Variants in DCBLD2 observed in about 807,000 individuals in gnomAD.
DCBLD2 encodes the protein discoidin, CUB and LCCL domain containing 2.
A neutral mutation model predicts 86.8 loss-of-function variants in DCBLD2; 54 were observed. The observed-to-expected ratio is 0.62, with a 90% CI of 0.50 to 0.78. DCBLD2 has a LOEUF of 0.78. Among genes scored for constraint, DCBLD2 ranks in the 30% least tolerant of loss-of-function variants. DCBLD2 has a pLI of 0.00. For missense variants in DCBLD2, 908 were observed against 954.2 expected (o/e 0.95, Z 0.64); for synonymous variants, 354 against 341.3 (o/e 1.04, Z -0.41).
intron 2 of DCBLD2, among the ~76,000 whole-genome samples, chr3:98,855,049 G>A (rs150849756): frequency 3.2e-4 from 48 of 152,226 alleles, no homozygotes; most frequent in African/African-American, 1.1e-3. Flanking sequence ...CAGTAAGGGA[G>A]TAAAATGGCA....
intron 2 of DCBLD2, among the ~76,000 whole-genome samples, chr3:98,851,040 C>G (rs888440313): frequency 4.6e-5 from 7 of 152,168 alleles, no homozygotes; most frequent in African/African-American, 1.4e-4. Flanking sequence ...CTGCACAAGA[C>G]AAGGATGCCC....
chr3:98,882,312 G>A (rs752804394), intron 1 of DCBLD2, among the ~76,000 whole-genome samples: 2 of 152,074 alleles, frequency 1.3e-5, no homozygotes, highest in Non-Finnish European at 2.9e-5. Flanking sequence ...TTCAAAAGAA[G>A]AGCAACTTAA....
At position 98,901,371 on chromosome 3, in the gene DCBLD2, GC is replaced by G; in HGVS notation, c.-46del. ...CCTGCATAGTGCGGGTGCCTCGGCA[GC>G]CCCGCGCGCCTCTGGCCGCGGCACC... On this transcript the variant is annotated 5_prime_UTR_variant, in exon 1 of 16. Coordinates refer to ENST00000326840, the MANE Select transcript of DCBLD2 (RefSeq NM_080927.4). The G allele has an allele frequency of 3.9e-6, 5 of 1,276,042 alleles. No homozygotes were observed. Among genetic ancestry groups the G allele is most frequent in the Non-Finnish European group, 4.9e-6 (5 of 1,017,786 alleles). The allele number at this position is 1,276,042 out of a possible 1,614,324, so 79.0% of individuals were successfully genotyped here.
intron 1 of DCBLD2, among the ~76,000 whole-genome samples, chr3:98,898,302 T>C (rs2107536078): frequency 6.6e-6 from 1 of 151,702 alleles, no homozygotes; most frequent in East Asian, 1.9e-4. Flanking sequence ...TAGCTATGTA[T>C]GACATTAATT....
chr3:98,869,320 A>C (rs1218222734), intron 2 of DCBLD2, among the ~76,000 whole-genome samples: 1 of 152,122 alleles, frequency 6.6e-6, no homozygotes, highest in African/African-American at 2.4e-5. Flanking sequence ...TGCTAATTTC[A>C]GTTCCTTGTA....
intron 12 of DCBLD2, among the ~76,000 whole-genome samples, chr3:98,808,963 T>C (rs2107431582): frequency 6.6e-6 from 1 of 152,274 alleles, no homozygotes; most frequent in Non-Finnish European, 1.5e-5. Context: ...GTATCCTCCT[T>C]ACAAGAGAAA....
In DCBLD2 at chr3:98,825,478, A is replaced by G. The variant is rs185590344; in HGVS notation, c.572-112T>C. On this transcript the variant is annotated intron_variant, in intron 3 of 15. Transcript: ENST00000326840. The stretch of plus-strand genomic sequence containing the variant: ...ACTACTCTAATTTTCAAAAATCTCA[A>G]TGGCACTGTCAAAGTGGTACTAAAA... 1.1e-3 allele frequency: 840 copies of G among 767,262 alleles called. 11 individuals are homozygous for G. The East Asian group carries it at 0.026, about 24-fold the overall frequency. 47.5% of individuals were successfully genotyped at this position (767,262 alleles called of 1,614,324 possible). A position where few individuals can be genotyped will look rare whatever the true frequency, so the allele number is the denominator to read the frequency against.
chr3:98,827,117 G>C (rs757988151), intron 3 of DCBLD2, among the ~76,000 whole-genome samples: 7 of 152,126 alleles, frequency 4.6e-5, no homozygotes, highest in Non-Finnish European at 7.3e-5. Flanking sequence ...TAAACCACAG[G>C]CATTTGAATG....
At chr3:98,807,687 T>TCCCCCCCCCC in intron 13 of DCBLD2, among the ~76,000 whole-genome samples, 1 of 152,172 alleles carries the variant, frequency 6.6e-6, no homozygotes, top group South Asian at 2.1e-4. Context: ...GAGTCCCCTT[T>TCCCCCCCCCC]CCCGAAGAAA....
intron 2 of DCBLD2, among the ~76,000 whole-genome samples, chr3:98,873,382 T>C (rs891880184): frequency 2.0e-5 from 3 of 152,046 alleles, no homozygotes; most frequent in Non-Finnish European, 4.4e-5. Flanking sequence ...CAAGTATATA[T>C]AGAATATTCA....
chr3:98,876,287 T>G, intron 2 of DCBLD2, among the ~76,000 whole-genome samples: 1 of 151,344 alleles, frequency 6.6e-6, no homozygotes, highest in Non-Finnish European at 1.5e-5. Flanking sequence ...CTCAGGGGGC[T>G]GAGGTGAGAT....
intron 13 of DCBLD2, among the ~76,000 whole-genome samples, chr3:98,806,409 A>G (rs1370411015): frequency 2.6e-5 from 4 of 152,140 alleles, no homozygotes; most frequent in African/African-American, 4.8e-5. Context: ...TGTTGTTGCT[A>G]AGTTCCTTAA....
chr3:98,866,931 C>G (rs1482993416), intron 2 of DCBLD2, among the ~76,000 whole-genome samples: 4 of 152,178 alleles, frequency 2.6e-5, no homozygotes, highest in Non-Finnish European at 5.9e-5. Context: ...ATATGGCTAG[C>G]CAGTTTTCCC....
At chr3:98,848,000 G>A (rs149830883) in intron 3 of DCBLD2, among the ~76,000 whole-genome samples, 1,726 of 152,172 alleles carry the variant, frequency 0.011, 18 homozygotes, top group Non-Finnish European at 0.015. Flanking sequence ...TTTTAAGTTT[G>A]GGGTACATGT....
At chr3:98,888,554 A>G (rs1023205347) in intron 1 of DCBLD2, among the ~76,000 whole-genome samples, 1 of 152,166 alleles carries the variant, frequency 6.6e-6, no homozygotes, top group Non-Finnish European at 1.5e-5. Context: ...ACGACATACC[A>G]TACGAAAACA....
chr3:98,869,218 T>C (rs975777038), intron 2 of DCBLD2, among the ~76,000 whole-genome samples: 1 of 152,218 alleles, frequency 6.6e-6, no homozygotes, highest in Non-Finnish European at 1.5e-5. Flanking sequence ...TGTTGAGCAT[T>C]TTTCATATGT....
At chr3:98,875,366 C>T (rs1943350869) in intron 2 of DCBLD2, among the ~76,000 whole-genome samples, 3 of 151,784 alleles carry the variant, frequency 2.0e-5, no homozygotes, top group African/African-American at 7.3e-5. Context: ...AATGTGTAAA[C>T]CCTACATGAG....
chr3:98,868,332 A>T (rs1299201205), intron 2 of DCBLD2, among the ~76,000 whole-genome samples: 2 of 152,188 alleles, frequency 1.3e-5, no homozygotes, highest in Non-Finnish European at 2.9e-5. Context: ...TAGATCTAGA[A>T]AAGTTAGAGA....
intron 1 of DCBLD2, among the ~76,000 whole-genome samples, chr3:98,887,372 A>G (rs953523061): frequency 6.6e-6 from 1 of 152,068 alleles, no homozygotes; most frequent in Non-Finnish European, 1.5e-5. Context: ...TGGTTACAAT[A>G]AAGTTTTTAT....
Sources: allele counts gnomAD v4.1 joint callset (sites outside exome capture counted in the v4.1 genomes callset), GRCh38; gene constraint gnomAD v4.1.1; transcripts MANE v1.5; gene names NCBI Gene and HGNC (gene_info 2026-07-23, HGNC 2026-07-21).